Variants in MARCHF3 observed in about 807,000 individuals in gnomAD.
MARCHF3 encodes E3 ubiquitin-protein ligase MARCHF3.
A neutral mutation model predicts 24.2 loss-of-function variants in MARCHF3; 13 were observed. The observed-to-expected ratio is 0.54, with a 90% CI of 0.35 to 0.85. The LOEUF (loss-of-function observed/expected upper bound fraction) is 0.85, where lower values mean the gene tolerates loss of function less well. MARCHF3 is among the 40% of genes least tolerant of loss of function. MARCHF3 has a pLI of 0.01. For synonymous variants in MARCHF3, 144 were observed against 137.3 expected, an observed-to-expected ratio of 1.05 and a Z score of -0.34; for missense variants, 276 against 325.0, an observed-to-expected ratio of 0.85 and a Z score of 1.16.
intron 1 of MARCHF3, among the ~76,000 whole-genome samples, chr5:126,962,960 GAA>G (rs1750690451): frequency 6.6e-6 from 1 of 151,994 alleles, no homozygotes; most frequent in African/African-American, 2.4e-5. Flanking sequence ...TTTTTCATGA[GAA>G]AGTGTTTTCT....
chr5:126,878,796 G>A (rs1271279304), intron 3 of MARCHF3, among the ~76,000 whole-genome samples: 2 of 152,164 alleles, frequency 1.3e-5, no homozygotes, highest in Non-Finnish European at 2.9e-5. Context: ...GGAAACGGTT[G>A]AGTTGCTCAA....
At chr5:126,948,623 G>A (rs1750109229) in intron 1 of MARCHF3, among the ~76,000 whole-genome samples, 1 of 152,184 alleles carries the variant, frequency 6.6e-6, no homozygotes, top group Non-Finnish European at 1.5e-5. Flanking sequence ...AGTGATCCTT[G>A]GGCTATGTCT....
At chr5:126,914,465 C>G (rs745542019) in intron 3 of MARCHF3, among the ~76,000 whole-genome samples, 1 of 152,010 alleles carries the variant, frequency 6.6e-6, no homozygotes, top group Non-Finnish European at 1.5e-5. Context: ...GTCACAGAAC[C>G]CAGGACATCT....
At chr5:126,935,603 T>C (rs1471284358) in intron 1 of MARCHF3, among the ~76,000 whole-genome samples, 1 of 111,092 alleles carries the variant, frequency 9.0e-6, no homozygotes, top group Non-Finnish European at 1.7e-5. Context: ...ATATATGGCT[T>C]TTTTTTTTTT....
At chr5:126,988,870 T>G (rs1199503199) in intron 1 of MARCHF3, among the ~76,000 whole-genome samples, 2 of 152,206 alleles carry the variant, frequency 1.3e-5, no homozygotes, top group East Asian at 3.8e-4. Flanking sequence ...GCTATTTTAT[T>G]TCTTAACCTA....
intron 1 of MARCHF3, among the ~76,000 whole-genome samples, chr5:126,999,717 T>C (rs1290032624): frequency 2.0e-5 from 3 of 152,186 alleles, no homozygotes; most frequent in South Asian, 2.1e-4. Context: ...ATACACATCA[T>C]TTATTTGTTC....
chr5:126,938,216 G>A (rs192354191), intron 1 of MARCHF3, among the ~76,000 whole-genome samples: 1 of 145,038 alleles, frequency 6.9e-6, no homozygotes, highest in African/African-American at 2.6e-5. Context: ...CGCCCAGGCT[G>A]GGGTACAGAG....
chr5:126,939,421 C>T (rs1162274362), intron 1 of MARCHF3, among the ~76,000 whole-genome samples: 1 of 152,200 alleles, frequency 6.6e-6, no homozygotes, highest in Non-Finnish European at 1.5e-5. Context: ...TTCTTCATTT[C>T]TTTCTTATCC....
At chr5:126,932,141 C>G (rs981561975) in intron 1 of MARCHF3, among the ~76,000 whole-genome samples, 6 of 152,232 alleles carry the variant, frequency 3.9e-5, no homozygotes, top group African/African-American at 1.4e-4. Flanking sequence ...GTTGCTTTTG[C>G]TATTTCTGTT....
intron 1 of MARCHF3, among the ~76,000 whole-genome samples, chr5:126,991,461 T>C (rs1410207749): frequency 3.9e-5 from 6 of 152,306 alleles, no homozygotes; most frequent in South Asian, 2.1e-4. Flanking sequence ...GATGAGTTGA[T>C]GGGTACAGCA....
rs998716353 is a variant in MARCHF3 at position 126,914,659 on chromosome 5, C to A, written c.393+271G>T. The A allele has an allele frequency of 9.4e-6, 5 of 530,390 alleles. No homozygotes were observed. The Admixed American group carries it at 1.5e-4, about 16-fold the overall frequency. 32.9% of individuals were successfully genotyped at this position (530,390 alleles called of 1,614,324 possible). A position where few individuals can be genotyped will look rare whatever the true frequency, so the allele number is the denominator to read the frequency against. ...ATGGAGATCAAGTCTCTAAACTGGC[C>A]CTTTCTCCTTATACTAATTTATTCT... is the stretch of plus-strand genomic sequence containing the variant. On this transcript the variant is annotated intron_variant, in intron 3 of 4. Transcript: ENST00000308660.
chr5:126,952,395 G>A (rs920857363), intron 1 of MARCHF3, among the ~76,000 whole-genome samples: 1 of 152,056 alleles, frequency 6.6e-6, no homozygotes, highest in African/African-American at 2.4e-5. Flanking sequence ...TCATTAAAGG[G>A]TGGTATAAAT....
At chr5:126,955,956 A>G (rs1265146118) in intron 1 of MARCHF3, among the ~76,000 whole-genome samples, 1 of 152,326 alleles carries the variant, frequency 6.6e-6, no homozygotes, top group Middle Eastern at 3.4e-3. Flanking sequence ...AATACATTTA[A>G]AATTATCCAT....
chr5:126,932,813 A>C (rs1749521614), intron 1 of MARCHF3, among the ~76,000 whole-genome samples: 1 of 152,190 alleles, frequency 6.6e-6, no homozygotes, highest in Non-Finnish European at 1.5e-5. Context: ...CCCAAGAGCC[A>C]GGTACCATTT....
intron 1 of MARCHF3, among the ~76,000 whole-genome samples, chr5:126,956,319 A>G (rs1750437658): frequency 6.6e-6 from 1 of 152,150 alleles, no homozygotes; most frequent in Admixed American, 6.5e-5. Context: ...TTTCCCATTC[A>G]GGTTTACACA....
intron 1 of MARCHF3, among the ~76,000 whole-genome samples, chr5:126,940,639 G>A (rs1055329794): frequency 2.0e-5 from 3 of 151,922 alleles, no homozygotes; most frequent in Non-Finnish European, 4.4e-5. Flanking sequence ...TAGAGATGGG[G>A]TTTCTCCATG....
At chr5:126,920,542 C>G (rs1749074274) in intron 1 of MARCHF3, among the ~76,000 whole-genome samples, 1 of 152,170 alleles carries the variant, frequency 6.6e-6, no homozygotes. Context: ...CTCTGAGAGT[C>G]TATTTTCGGG....
chr5:127,003,416 C>G lies in MARCHF3; in HGVS notation c.-57+26934G>C, dbSNP rs374738554. 2.1e-4 allele frequency among the ~76,000 whole-genome samples: 31 copies of G among 149,626 alleles called. 1 individual carries two copies. Among genetic ancestry groups the G allele is most frequent in the African/African-American group, 7.7e-4 (31 of 40,350 alleles). On this transcript the variant is annotated intron_variant, in intron 1 of 4. Coordinates refer to ENST00000308660, the MANE Select transcript of MARCHF3 (RefSeq NM_178450.5). Reference sequence around the variant, plus strand: ...CCGGGAGGCGGAGCTTGCAGTGAGCCGAGATCGCGCCACTGCACTCCAGCC... The same window carrying G: ...CCGGGAGGCGGAGCTTGCAGTGAGCGGAGATCGCGCCACTGCACTCCAGCC...
chr5:126,915,559 C>T (rs73335494), intron 2 of MARCHF3, among the ~76,000 whole-genome samples: 14,271 of 152,236 alleles, frequency 0.094, 1,505 homozygotes, highest in African/African-American at 0.26. Flanking sequence ...AGAGGTTCTT[C>T]TCATTTCTCT....
Sources: gnomAD v4.1 joint callset for allele counts (sites outside exome capture counted in the v4.1 genomes callset) on GRCh38, gnomAD v4.1.1 for gene constraint, MANE v1.5 for transcripts, NCBI Gene and HGNC (gene_info 2026-07-23, HGNC 2026-07-21) for gene names.